Variants in MAGI3 observed in about 807,000 individuals in gnomAD.
The protein encoded by MAGI3 is membrane associated guanylate kinase, WW and PDZ domain containing 3.
In MAGI3, 43 loss-of-function variants were observed where a neutral mutation model predicts 121.8. The ratio of observed to expected loss-of-function variants is 0.35; its 90% CI spans 0.28 to 0.46. The LOEUF is 0.46. Among genes scored for constraint, MAGI3 ranks in the 20% least tolerant of loss-of-function variants. The pLI, the probability that MAGI3 is intolerant of heterozygous loss-of-function variation, is 1.00. For synonymous variants in MAGI3, 553 were observed against 639.3 expected, an observed-to-expected ratio of 0.86 and a Z score of 2.04; for missense variants, 1,547 against 1,797.3, an observed-to-expected ratio of 0.86 and a Z score of 2.52.
At position 113,451,355 on chromosome 1, in the gene MAGI3, A is replaced by G. The variant is rs371571863; in HGVS notation, c.316+60006A>G. Among the ~76,000 whole-genome samples, 5 of 152,288 alleles carry G rather than the reference A, an allele frequency of 3.3e-5. No homozygotes were observed. The East Asian group carries it at 9.7e-4, about 29-fold the overall frequency. On this transcript the variant is annotated intron_variant, in intron 1 of 20. Coordinates refer to ENST00000307546, the MANE Select transcript of MAGI3 (RefSeq NM_001142782.2). The stretch of plus-strand genomic sequence containing the variant: ...TCTCTGGTTTCTTCAGATACTCTTC[A>G]TCATCTTGGATTTGTTTTAATAATT...
chr1:113,464,174 C>T (rs1655164332), intron 1 of MAGI3, among the ~76,000 whole-genome samples: 1 of 151,928 alleles, frequency 6.6e-6, no homozygotes. Flanking sequence ...ACTTCCTGGC[C>T]TCTGTTAACC....
chr1:113,437,556 C>A (rs1221166328), intron 1 of MAGI3, among the ~76,000 whole-genome samples: 3 of 151,966 alleles, frequency 2.0e-5, no homozygotes, highest in African/African-American at 7.2e-5. Context: ...AGTTATTTAG[C>A]TGTGTTTCCC....
chr1:113,640,873 C>A (rs1652414682), intron 9 of MAGI3, among the ~76,000 whole-genome samples: 1 of 144,334 alleles, frequency 6.9e-6, no homozygotes, highest in African/African-American at 2.6e-5. Context: ...GCACTTGCAT[C>A]CTGGAACTTA....
chr1:113,553,817 T>C (rs1659878641), intron 2 of MAGI3, among the ~76,000 whole-genome samples: 1 of 152,166 alleles, frequency 6.6e-6, no homozygotes. Flanking sequence ...GAGACTATCC[T>C]GGCCTACATG....
At chr1:113,622,116 T>C (rs1650861736) in intron 8 of MAGI3, among the ~76,000 whole-genome samples, 1 of 152,218 alleles carries the variant, frequency 6.6e-6, no homozygotes, top group Non-Finnish European at 1.5e-5. Flanking sequence ...CTCAATAAAT[T>C]TGTTAAAAAA....
At chr1:113,431,452 C>T (rs1653295268) in intron 1 of MAGI3, among the ~76,000 whole-genome samples, 2 of 151,928 alleles carry the variant, frequency 1.3e-5, no homozygotes, top group Admixed American at 1.3e-4. Context: ...AAGGAAGAAA[C>T]AAAGTGGTAT....
At chr1:113,443,150 T>C (rs910247360) in intron 1 of MAGI3, among the ~76,000 whole-genome samples, 2 of 152,178 alleles carry the variant, frequency 1.3e-5, no homozygotes, top group Non-Finnish European at 2.9e-5. Context: ...ATAATAACAT[T>C]ATTTTAATAT....
At chr1:113,487,217 TA>T (rs1656423841) in intron 1 of MAGI3, among the ~76,000 whole-genome samples, 1 of 152,160 alleles carries the variant, frequency 6.6e-6, no homozygotes, top group Admixed American at 6.5e-5. Context: ...TGCATGAAAG[TA>T]AACTGTATAT....
At chr1:113,456,832 A>G (rs1416316379) in intron 1 of MAGI3, among the ~76,000 whole-genome samples, 2 of 151,978 alleles carry the variant, frequency 1.3e-5, no homozygotes, top group African/African-American at 4.8e-5. Flanking sequence ...AGGATAAAAT[A>G]AAGAGGCTTG....
intron 2 of MAGI3, among the ~76,000 whole-genome samples, chr1:113,555,322 C>G (rs939179532): frequency 2.6e-5 from 4 of 152,142 alleles, no homozygotes; most frequent in African/African-American, 9.7e-5. Context: ...GAAATGATAT[C>G]AGAGCAATAG....
At chr1:113,557,894 G>A (rs990362907) in intron 2 of MAGI3, among the ~76,000 whole-genome samples, 10 of 152,104 alleles carry the variant, frequency 6.6e-5, no homozygotes, top group Admixed American at 2.0e-4. Context: ...GACTTCACTG[G>A]CAATACCTCC....
chr1:113,620,901 A>G (rs1359265404), intron 8 of MAGI3, among the ~76,000 whole-genome samples: 2 of 152,238 alleles, frequency 1.3e-5, no homozygotes, highest in Non-Finnish European at 2.9e-5. Context: ...GGTGGTTATG[A>G]GTATGTAAAT....
chr1:113,478,590 A>G (rs925538841), intron 1 of MAGI3, among the ~76,000 whole-genome samples: 1 of 152,200 alleles, frequency 6.6e-6, no homozygotes, highest in Admixed American at 6.5e-5. Flanking sequence ...ACAACAGCCA[A>G]TATTGCTGCC....
intron 2 of MAGI3, among the ~76,000 whole-genome samples, chr1:113,555,828 A>G (rs1004228920): frequency 1.3e-5 from 2 of 152,132 alleles, no homozygotes; most frequent in African/African-American, 4.8e-5. Flanking sequence ...CCTTGAGCCC[A>G]GGAGTTTGAG....
chr1:113,477,539 A>T (rs1655891104), intron 1 of MAGI3, among the ~76,000 whole-genome samples: 1 of 152,214 alleles, frequency 6.6e-6, no homozygotes, highest in African/African-American at 2.4e-5. Context: ...TTCTTTAAGA[A>T]TGTTGAATAT....
intron 1 of MAGI3, among the ~76,000 whole-genome samples, chr1:113,526,225 A>G (rs1163143858): frequency 6.6e-6 from 1 of 152,156 alleles, no homozygotes; most frequent in African/African-American, 2.4e-5. Context: ...CTGTTAGGAA[A>G]GTGTAGTACA....
intron 1 of MAGI3, among the ~76,000 whole-genome samples, chr1:113,471,989 C>T (rs1459618945): frequency 6.6e-6 from 1 of 152,122 alleles, no homozygotes; most frequent in East Asian, 1.9e-4. Context: ...GTTGTTATAT[C>T]CTTTTGATGA....
intron 19 of MAGI3, among the ~76,000 whole-genome samples, chr1:113,673,930 T>C (rs1647714043): frequency 6.6e-6 from 1 of 152,136 alleles, no homozygotes; most frequent in South Asian, 2.1e-4. Flanking sequence ...CAACATTTCT[T>C]ATTGTTTGAA....
intron 2 of MAGI3, among the ~76,000 whole-genome samples, chr1:113,572,355 C>CT (rs544839797): frequency 0.015 from 2,342 of 152,182 alleles, 21 homozygotes; most frequent in South Asian, 0.025. Flanking sequence ...CTGAAACTTT[C>CT]TTTTTTTGTT....
Sources: gnomAD v4.1 joint callset for allele counts (sites outside exome capture counted in the v4.1 genomes callset) on GRCh38, gnomAD v4.1.1 for gene constraint, MANE v1.5 for transcripts, NCBI Gene and HGNC (gene_info 2026-07-23, HGNC 2026-07-21) for gene names.